HERC1: variants seen among roughly 807,000 people sequenced by gnomAD.
HERC1 encodes the protein probable E3 ubiquitin-protein ligase HERC1.
HERC1 carries 160 observed loss-of-function variants against 554.3 expected under a neutral mutation model. The ratio of observed to expected loss-of-function variants is 0.29; its 90% CI spans 0.25 to 0.33. The LOEUF is 0.33. Ranked by LOEUF, HERC1 falls within the 10% of genes least tolerant of loss-of-function variation. The pLI, the probability that HERC1 is intolerant of heterozygous loss-of-function variation, is 1.00. For synonymous variants in HERC1, 2,175 were observed against 2,131.7 expected, an observed-to-expected ratio of 1.02 and a Z score of -0.56; for missense variants, 4,919 against 5,918.5, an observed-to-expected ratio of 0.83 and a Z score of 5.54.
chr15:63,643,308 A>G (rs751677663), intron 58 of HERC1, 96 bp downstream of exon 58: 4 of 1,078,006 alleles, frequency 3.7e-6, no homozygotes, highest in Non-Finnish European at 5.3e-6. Flanking sequence ...AGAGATTACT[A>G]TATAAAATGT....
chr15:63,763,721 G>A (rs895228322), intron 3 of HERC1, among the ~76,000 whole-genome samples: 6 of 152,056 alleles, frequency 3.9e-5, no homozygotes, highest in Non-Finnish European at 7.4e-5. Context: ...ACAAGGCTGT[G>A]AAAGGGCTTC....
At chr15:63,706,863 T>G in intron 24 of HERC1, 32 bp from the exon 25 acceptor site, 6 of 1,387,830 alleles carry the variant, frequency 4.3e-6, no homozygotes, top group Non-Finnish European at 6.0e-6. Flanking sequence ...TAAATAAAAT[T>G]TAGTTGTGAA....
intron 50 of HERC1, 26 bp downstream of exon 50, chr15:63,655,716 G>A (rs2069995790): frequency 7.0e-7 from 1 of 1,423,076 alleles, no homozygotes; most frequent in East Asian, 2.5e-5. Flanking sequence ...TTAGAAGACT[G>A]TATGTTTCAG....
intron 1 of HERC1, among the ~76,000 whole-genome samples, chr15:63,821,072 T>G (rs1484316652): frequency 6.6e-6 from 1 of 152,230 alleles, no homozygotes; most frequent in African/African-American, 2.4e-5. Context: ...AAGTACTCAA[T>G]GCAAAGAATT....
intron 10 of HERC1, among the ~76,000 whole-genome samples, chr15:63,748,602 T>C (rs776311831): frequency 2.0e-5 from 3 of 152,194 alleles, no homozygotes; most frequent in African/African-American, 7.2e-5. Flanking sequence ...TATCTACATA[T>C]GAAGTGGGAA....
Position 63,678,358 on chromosome 15 carries a change from A to T in HERC1, c.6557T>A (p.Ile2186Asn). The stretch of plus-strand genomic sequence containing the variant: ...TGTGCCACGCATCTGCATATCACAA[A>T]TTTTCACCTATATAAAAGTAAAGAG... Reference protein sequence around the residue: ...YSSNPGEKVKICDMQMRGTPR... With the variant: ...YSSNPGEKVKNCDMQMRGTPR... The change falls in exon 37 of 78, where the codon ATT (isoleucine) becomes AAT (asparagine). Residue 2186 changes from isoleucine (I) to asparagine (N), a missense_variant. Around this residue, in one of 11 missense-constraint regions of HERC1, gnomAD observed 1,963 missense variants for 2,228.6 expected, o/e 0.88. Coordinates refer to ENST00000443617, the MANE Select transcript of HERC1 (RefSeq NM_003922.4). The T allele has an allele frequency of 1.3e-6, 2 of 1,588,138 alleles. No homozygotes were observed. Among genetic ancestry groups the T allele is most frequent in the African/African-American group, 1.4e-5 (1 of 73,558 alleles).
At chr15:63,806,718 A>G (rs1234897354) in intron 1 of HERC1, among the ~76,000 whole-genome samples, 1 of 152,230 alleles carries the variant, frequency 6.6e-6, no homozygotes, top group Admixed American at 6.5e-5. Flanking sequence ...TAAATCAGAT[A>G]ATAGATTGCA....
chr15:63,680,695 G>A lies in HERC1; in HGVS notation c.6307C>T (p.Arg2103Cys). The A allele has an allele frequency of 1.2e-6, 2 of 1,613,546 alleles. No homozygotes were observed. The highest frequency in any genetic ancestry group is 1.7e-6 in the Non-Finnish European group (2 of 1,179,636). ...SRWPVHDFNH[R>C]TTSDMWLYRA... ...TAGAGCCACATATCCGAGGTAGTGC[G>A]GTGATTAAAGTCATGTACTGGCCAG... The change falls in exon 35 of 78, where the codon CGC (arginine) becomes TGC (cysteine). Residue 2103 changes from arginine to cysteine, a missense_variant. Physicochemically the swap from Arg to Cys is radical, Grantham distance 180 (BLOSUM62 -3). Around this residue, in one of 11 missense-constraint regions of HERC1, gnomAD observed 85 missense variants for 163.2 expected, o/e 0.52. Coordinates refer to ENST00000443617, the MANE Select transcript of HERC1 (RefSeq NM_003922.4). The surrounding 1 kb of genome is among the most constrained non-coding windows in gnomAD (Gnocchi z 5.8).
intron 30 of HERC1, among the ~76,000 whole-genome samples, chr15:63,693,334 C>A (rs934853205): frequency 2.6e-5 from 4 of 151,730 alleles, no homozygotes; most frequent in South Asian, 4.2e-4. Context: ...ATCTCCACCT[C>A]CCGGGTTCAA....
At chr15:63,673,568 G>A (rs566626890) in intron 38 of HERC1, among the ~76,000 whole-genome samples, 92 of 152,240 alleles carry the variant, frequency 6.0e-4, no homozygotes, top group African/African-American at 2.1e-3. Context: ...TTGACTGAAC[G>A]AATCTCATTT....
chr15:63,690,465 G>C (rs771263407), intron 32 of HERC1, 76 bp downstream of exon 32: 30 of 861,516 alleles, frequency 3.5e-5, no homozygotes, highest in Non-Finnish European at 5.1e-5. Flanking sequence ...CAACTGAAGA[G>C]ACTGTTAAGT....
chr15:63,625,894 G>T, intron 71 of HERC1, 91 bp downstream of exon 71: 1 of 1,344,294 alleles, frequency 7.4e-7, no homozygotes, highest in Non-Finnish European at 1.0e-6. Context: ...TCCAAAGGCA[G>T]AGGGAAAGGC....
rs185730075 is a variant in HERC1, at chr15:63,643,239, A to G, written c.11331+165T>C. ...GACACAGCTGATTTTAAAAACACTT[A>G]TCATCAGTAAGAAAAATGTAAGGGC... is the stretch of plus-strand genomic sequence containing the variant. On this transcript the variant is annotated intron_variant, in intron 58 of 77. Coordinates refer to ENST00000443617, the MANE Select transcript of HERC1 (RefSeq NM_003922.4). Among the ~76,000 whole-genome samples the G allele has an allele frequency of 2.0e-5, 3 of 152,358 alleles. No homozygotes were observed. The East Asian group carries it at 5.8e-4, about 29-fold the overall frequency.
intron 3 of HERC1, among the ~76,000 whole-genome samples, chr15:63,759,977 G>A (rs2075553441): frequency 6.6e-6 from 1 of 152,152 alleles, no homozygotes. Context: ...GAGGATAGTG[G>A]GGCCAAGGGA....
At chr15:63,730,206 A>ACC (rs2074231358) in intron 14 of HERC1, among the ~76,000 whole-genome samples, 1 of 150,842 alleles carries the variant, frequency 6.6e-6, no homozygotes, top group Non-Finnish European at 1.5e-5. Flanking sequence ...TATAGTCCCA[A>ACC]CACTTTGGGA....
In HERC1 at chr15:63,711,306, T is replaced by A. The variant is rs542494473; in HGVS notation, c.4584+1469A>T. Among the ~76,000 whole-genome samples, 12 of 142,902 alleles carry A rather than the reference T, an allele frequency of 8.4e-5. No homozygotes were observed. The South Asian group carries it at 2.7e-3, about 32-fold the overall frequency. 93.7% of individuals were successfully genotyped at this position (142,902 alleles called of 152,430 possible). A position where few individuals can be genotyped will look rare whatever the true frequency, so the allele number is the denominator to read the frequency against. Reference sequence around the variant, plus strand: ...CTCCAGCCTGAGTGACAGGGTAATATCCTGTCTCAAAAAAAAGGGAAATTA... The same window carrying A: ...CTCCAGCCTGAGTGACAGGGTAATAACCTGTCTCAAAAAAAAGGGAAATTA... On this transcript the variant is annotated intron_variant, in intron 24 of 77. Transcript: ENST00000443617.
intron 46 of HERC1, among the ~76,000 whole-genome samples, chr15:63,660,453 A>G (rs1037192273): frequency 1.3e-5 from 2 of 152,246 alleles, no homozygotes; most frequent in Admixed American, 6.5e-5. Flanking sequence ...CTCCTGAAGC[A>G]TAAGTGAGAC....
intron 19 of HERC1, among the ~76,000 whole-genome samples, chr15:63,719,256 A>G (rs2073702840): frequency 6.6e-6 from 1 of 152,254 alleles, no homozygotes; most frequent in African/African-American, 2.4e-5. Flanking sequence ...GTGGTCTGGG[A>G]AAGTTTCTGA....
intron 33 of HERC1, 77 bp from the exon 34 acceptor site, chr15:63,686,612 T>C: frequency 8.2e-7 from 1 of 1,216,672 alleles, no homozygotes; most frequent in Non-Finnish European, 1.2e-6. Flanking sequence ...GCTCCTTGGT[T>C]TTATCCTACA....
Sources: allele counts gnomAD v4.1 joint callset (sites outside exome capture counted in the v4.1 genomes callset), GRCh38; gene constraint gnomAD v4.1.1; regional missense constraint gnomAD v4.1.1; non-coding constraint Gnocchi (gnomAD v3.1); transcripts MANE v1.5; gene names NCBI Gene and HGNC (gene_info 2026-07-23, HGNC 2026-07-21).